ABTB3: variants seen among roughly 807,000 people sequenced by gnomAD.
ABTB3 encodes ankyrin repeat and BTB domain containing 3.
the ABTB3 span, among the ~76,000 whole-genome samples, chr12:107,605,576 G>T: frequency 6.6e-6 from 1 of 152,150 alleles, no homozygotes; most frequent in Non-Finnish European, 1.5e-5. Context: ...GGAAGGGGGA[G>T]CCTGTAGAGC....
At chr12:107,608,947 A>T in the ABTB3 span, among the ~76,000 whole-genome samples, 24 of 84,702 alleles carry the variant, frequency 2.8e-4, no homozygotes, top group African/African-American at 8.3e-4. Flanking sequence ...TAAAATAAAT[A>T]AAATAAAATA....
At chr12:107,353,259 G>C in the ABTB3 span, among the ~76,000 whole-genome samples, 1 of 152,166 alleles carries the variant, frequency 6.6e-6, no homozygotes, top group East Asian at 1.9e-4. Context: ...CAGCATGGTG[G>C]GGGGGAGATA....
the ABTB3 span, among the ~76,000 whole-genome samples, chr12:107,437,466 G>T: frequency 6.6e-6 from 1 of 151,022 alleles, no homozygotes; most frequent in Non-Finnish European, 1.5e-5. Flanking sequence ...GCGTGATCTT[G>T]GCTCACTGCA....
At chr12:107,506,358 C>A in the ABTB3 span, among the ~76,000 whole-genome samples, 1 of 152,094 alleles carries the variant, frequency 6.6e-6, no homozygotes, top group Non-Finnish European at 1.5e-5. Context: ...ACTGTAAGCA[C>A]ACTCAAAAGG....
chr12:107,363,161 G>A, the ABTB3 span, among the ~76,000 whole-genome samples: 269 of 152,322 alleles, frequency 1.8e-3, 3 homozygotes, highest in African/African-American at 6.2e-3. Context: ...CCCTCACTGC[G>A]TTGGGGCAGG....
At chr12:107,621,727 A>G in the ABTB3 span, among the ~76,000 whole-genome samples, 1 of 151,594 alleles carries the variant, frequency 6.6e-6, no homozygotes, top group Non-Finnish European at 1.5e-5. Context: ...CTTACACCCT[A>G]CTCCACTGCT....
At chr12:107,475,023 C>G in the ABTB3 span, among the ~76,000 whole-genome samples, 1 of 152,172 alleles carries the variant, frequency 6.6e-6, no homozygotes, top group Non-Finnish European at 1.5e-5. Context: ...CTTTGGCTCT[C>G]CCAGTACTGA....
At chr12:107,574,023 C>T in the ABTB3 span, among the ~76,000 whole-genome samples, 1 of 152,174 alleles carries the variant, frequency 6.6e-6, no homozygotes, top group Non-Finnish European at 1.5e-5. Context: ...ATACTAAATA[C>T]TGCTATGAAT....
chr12:107,409,170 C>T, the ABTB3 span, among the ~76,000 whole-genome samples: 7 of 152,186 alleles, frequency 4.6e-5, no homozygotes, highest in Non-Finnish European at 1.0e-4. Context: ...ACACCTGGAC[C>T]CAGCTGTCAT....
chr12:107,453,898 G>C, the ABTB3 span, among the ~76,000 whole-genome samples: 19 of 152,310 alleles, frequency 1.2e-4, no homozygotes, highest in African/African-American at 4.6e-4. Flanking sequence ...GGGGTGAGGA[G>C]GGGGAGGAAT....
chr12:107,618,456 C>T, the ABTB3 span: 77 of 1,237,684 alleles, frequency 6.2e-5, 1 homozygote, highest in Admixed American at 1.2e-3. Flanking sequence ...CACGCACATG[C>T]GCGCACACAT....
At chr12:107,443,403 C>T in the ABTB3 span, among the ~76,000 whole-genome samples, 4 of 151,884 alleles carry the variant, frequency 2.6e-5, no homozygotes, top group South Asian at 2.1e-4. Context: ...GTTTTGAAGG[C>T]GACCTTGGTA....
chr12:107,552,769 T>C, the ABTB3 span, among the ~76,000 whole-genome samples: 1 of 152,194 alleles, frequency 6.6e-6, no homozygotes, highest in African/African-American at 2.4e-5. Context: ...CTTGAAATGC[T>C]TCCTTCCCTC....
chr12:107,374,437 C>T, the ABTB3 span, among the ~76,000 whole-genome samples: 68 of 152,290 alleles, frequency 4.5e-4, no homozygotes, highest in African/African-American at 1.6e-3. Context: ...GGCTGGGACC[C>T]TCCCACACCA....
the ABTB3 span, among the ~76,000 whole-genome samples, chr12:107,511,481 G>C: frequency 1.4e-4 from 21 of 152,118 alleles, no homozygotes; most frequent in African/African-American, 4.8e-4. Flanking sequence ...TTTAGGAGTT[G>C]GCTGACTGTC....
At chr12:107,447,937 T>G in the ABTB3 span, among the ~76,000 whole-genome samples, 1 of 152,198 alleles carries the variant, frequency 6.6e-6, no homozygotes, top group African/African-American at 2.4e-5. Flanking sequence ...CCCTTGCGGC[T>G]CAGGGTGTTT....
chr12:107,489,846 T>C, the ABTB3 span, among the ~76,000 whole-genome samples: 1 of 152,032 alleles, frequency 6.6e-6, no homozygotes, highest in Non-Finnish European at 1.5e-5. Flanking sequence ...CACTGCAGCC[T>C]TGAACTCCTG....
At chr12:107,406,871 C>G in the ABTB3 span, among the ~76,000 whole-genome samples, 1 of 152,134 alleles carries the variant, frequency 6.6e-6, no homozygotes, top group Admixed American at 6.5e-5. Context: ...TGTATAAAGC[C>G]TAAACTCCCC....
At chr12:107,603,228 T>C in the ABTB3 span, among the ~76,000 whole-genome samples, 5 of 152,222 alleles carry the variant, frequency 3.3e-5, no homozygotes, top group East Asian at 1.9e-4. Flanking sequence ...TTTACAGATA[T>C]GCTACAGGAA....
Sources: allele counts gnomAD v4.1 joint callset (sites outside exome capture counted in the v4.1 genomes callset), GRCh38; gene constraint gnomAD v4.1.1; transcripts MANE v1.5; gene names NCBI Gene and HGNC (gene_info 2026-07-23, HGNC 2026-07-21).